OTUD7A: variants seen among roughly 807,000 people sequenced by gnomAD.
OTUD7A encodes the protein OTU deubiquitinase 7A, also known as OTU domain-containing protein 7A.
A neutral mutation model predicts 65.7 loss-of-function variants in OTUD7A; 12 were observed. The observed-to-expected ratio is 0.18, with a 90% CI of 0.12 to 0.30. OTUD7A has a LOEUF of 0.30. Ranked by LOEUF, OTUD7A falls within the 10% of genes least tolerant of loss-of-function variation. The pLI, the probability that OTUD7A is intolerant of heterozygous loss-of-function variation, is 1.00. For synonymous variants in OTUD7A, 641 were observed against 586.3 expected (o/e 1.09, Z -1.35); for missense variants, 1,148 against 1,304.8 (o/e 0.88, Z 1.85).
intron 5 of OTUD7A, among the ~76,000 whole-genome samples, chr15:31,551,389 A>G (rs142651479): frequency 6.6e-6 from 1 of 152,356 alleles, no homozygotes; most frequent in African/African-American, 2.4e-5. Context: ...TAACCACAGA[A>G]CAGGAACAAG....
rs1342219362 is a variant in OTUD7A, at chr15:31,479,196, C to G, written c.*4098G>C. On this transcript the variant is annotated 3_prime_UTR_variant, in exon 13 of 13. Transcript: ENST00000307050. Reference sequence around the variant, plus strand: ...CTTCATACGGTGTGTCTGTCCTCAGCTGGCAGCAGAACCGGACTCAACTAG... The same window carrying G: ...CTTCATACGGTGTGTCTGTCCTCAGGTGGCAGCAGAACCGGACTCAACTAG... 6.6e-6 allele frequency: 1 copy of G among 152,248 alleles called. No homozygotes were observed. The highest frequency in any genetic ancestry group is 6.5e-5 in the Admixed American group (1 of 15,288). The allele number at this position is 152,248 out of a possible 1,614,324, so 9.4% of individuals were successfully genotyped here. A position where few individuals can be genotyped will look rare whatever the true frequency, so the allele number is the denominator to read the frequency against.
At chr15:31,841,402 ATGCAGG>A in intron 1 of OTUD7A, among the ~76,000 whole-genome samples, 1 of 152,170 alleles carries the variant, frequency 6.6e-6, no homozygotes, top group Non-Finnish European at 1.5e-5. Flanking sequence ...AGCCCTGACG[ATGCAGG>A]ACACAAGGAA....
intron 1 of OTUD7A, among the ~76,000 whole-genome samples, chr15:31,824,397 C>T (rs1017779288): frequency 6.6e-6 from 1 of 152,148 alleles, no homozygotes; most frequent in Non-Finnish European, 1.5e-5. Context: ...CCACAACACA[C>T]TGAGCATTCG....
chr15:31,509,832 T>G (rs769163104), intron 8 of OTUD7A, among the ~76,000 whole-genome samples: 11 of 151,986 alleles, frequency 7.2e-5, no homozygotes, highest in Non-Finnish European at 1.5e-4. Context: ...TTTAACGTTC[T>G]GCCTTTTACA....
intron 1 of OTUD7A, among the ~76,000 whole-genome samples, chr15:31,684,257 C>T (rs2654116): frequency 6.6e-6 from 1 of 151,126 alleles, no homozygotes; most frequent in East Asian, 1.9e-4. Context: ...AATAGGAAAG[C>T]GGGAGTAGAG....
At chr15:31,607,446 T>C (rs1413088142) in intron 3 of OTUD7A, among the ~76,000 whole-genome samples, 1 of 152,190 alleles carries the variant, frequency 6.6e-6, no homozygotes, top group Non-Finnish European at 1.5e-5. Context: ...CTTGGATTAC[T>C]AATGTCCTCA....
In OTUD7A at chr15:31,481,517, A is replaced by G. The variant is rs1052663205; in HGVS notation, c.*1777T>C. 1.3e-5 allele frequency: 2 copies of G among 152,090 alleles called. No individual in the cohort carries two copies. Among genetic ancestry groups the G allele is most frequent in the African/African-American group, 4.8e-5 (2 of 41,448 alleles). The allele number at this position is 152,090 out of a possible 1,614,324, so 9.4% of individuals were successfully genotyped here. On this transcript the variant is annotated 3_prime_UTR_variant, in exon 13 of 13. Transcript: ENST00000307050. ...TGGATGTTAGTACAGTAATTACCAC[A>G]CATTGAAAATATTGTTCAGCAGGAA...
chr15:31,600,144 C>T (rs1376843133), intron 3 of OTUD7A, among the ~76,000 whole-genome samples: 1 of 152,090 alleles, frequency 6.6e-6, no homozygotes, highest in Non-Finnish European at 1.5e-5. Flanking sequence ...ACAGAGAACA[C>T]CACAAAGATA....
chr15:31,722,262 C>T (rs1485014540), intron 1 of OTUD7A, among the ~76,000 whole-genome samples: 4 of 152,188 alleles, frequency 2.6e-5, no homozygotes, highest in Non-Finnish European at 4.4e-5. Context: ...ACCTCAGCCA[C>T]GCAGGAATGG....
At chr15:31,723,404 C>G (rs866340817) in intron 1 of OTUD7A, among the ~76,000 whole-genome samples, 2 of 87,702 alleles carry the variant, frequency 2.3e-5, no homozygotes, top group Non-Finnish European at 5.2e-5. Flanking sequence ...ACCCCCCCCC[C>G]CCCGCCCCCC....
At chr15:31,580,506 C>T (rs982819072) in intron 3 of OTUD7A, among the ~76,000 whole-genome samples, 1 of 152,138 alleles carries the variant, frequency 6.6e-6, no homozygotes, top group Non-Finnish European at 1.5e-5. Context: ...TAGGTGGACA[C>T]CTGTATTAGT....
At chr15:31,565,680 C>G (rs1372630860) in intron 4 of OTUD7A, among the ~76,000 whole-genome samples, 1 of 152,046 alleles carries the variant, frequency 6.6e-6, no homozygotes, top group African/African-American at 2.4e-5. Context: ...TCAAGTGTAA[C>G]AGGGGGGCAG....
intron 8 of OTUD7A, among the ~76,000 whole-genome samples, chr15:31,509,709 T>A (rs1231546243): frequency 6.6e-6 from 1 of 152,064 alleles, no homozygotes; most frequent in Non-Finnish European, 1.5e-5. Context: ...TATAAACTGT[T>A]TTTTAAATAG....
At position 31,755,499 on chromosome 15, in the gene OTUD7A, A is replaced by C. The variant is rs374093080; in HGVS notation, c.-99-98422T>G. On this transcript the variant is annotated intron_variant, in intron 1 of 12. Transcript: ENST00000307050. ...CACTTTGGGAGGCCGAGGTGGGTGGATCACGAGGTCAGGAGATCGAGACCA... is the reference window on the plus strand; with the variant it reads ...CACTTTGGGAGGCCGAGGTGGGTGGCTCACGAGGTCAGGAGATCGAGACCA... Among the ~76,000 whole-genome samples, 268 of 152,238 alleles carry C rather than the reference A, an allele frequency of 1.8e-3. 1 individual carries two copies. Among genetic ancestry groups the C allele is most frequent in the African/African-American group, 6.1e-3 (255 of 41,558 alleles).
At chr15:31,587,909 C>A (rs1320250280) in intron 3 of OTUD7A, among the ~76,000 whole-genome samples, 1 of 151,982 alleles carries the variant, frequency 6.6e-6, no homozygotes, top group African/African-American at 2.4e-5. Context: ...TGCACTCTTT[C>A]TCCCTCACTT....
At chr15:31,493,334 C>G (rs1368865182) in intron 10 of OTUD7A, among the ~76,000 whole-genome samples, 1 of 152,058 alleles carries the variant, frequency 6.6e-6, no homozygotes, top group Non-Finnish European at 1.5e-5. Context: ...TTCCAAGAAG[C>G]CATAATCATC....
At chr15:31,849,930 C>T (rs543656516) in intron 1 of OTUD7A, among the ~76,000 whole-genome samples, 3 of 151,970 alleles carry the variant, frequency 2.0e-5, no homozygotes, top group South Asian at 2.1e-4. Flanking sequence ...TGGAGAAATA[C>T]GAACACTTTT....
chr15:31,610,994 A>G (rs964042391), intron 3 of OTUD7A, among the ~76,000 whole-genome samples: 1 of 152,070 alleles, frequency 6.6e-6, no homozygotes, highest in African/African-American at 2.4e-5. Flanking sequence ...AATCAACTCC[A>G]AAAGGAACCT....
chr15:31,636,886 TAA>T (rs142151409), intron 3 of OTUD7A, among the ~76,000 whole-genome samples: 5,135 of 152,200 alleles, frequency 0.034, 295 homozygotes, highest in African/African-American at 0.12. Flanking sequence ...CTACGGAGGC[TAA>T]GAGAGGTGAG....
Sources: allele counts gnomAD v4.1 joint callset (sites outside exome capture counted in the v4.1 genomes callset), GRCh38; gene constraint gnomAD v4.1.1; transcripts MANE v1.5; gene names NCBI Gene and HGNC (gene_info 2026-07-23, HGNC 2026-07-21).